The following INPP5B variants were observed in gnomAD, a reference collection of about 807,000 sequenced individuals.
INPP5B encodes type II inositol 1,4,5-trisphosphate 5-phosphatase.
In INPP5B, 90 loss-of-function variants were observed where a neutral mutation model predicts 118.5. That is an observed-to-expected ratio of 0.76 (90% CI 0.64 to 0.90). The LOEUF is 0.90. Among genes scored for constraint, INPP5B ranks in the 40% least tolerant of loss-of-function variants. The pLI is 0.00. For synonymous variants in INPP5B, 385 were observed against 418.9 expected, an observed-to-expected ratio of 0.92 and a Z score of 0.99; for missense variants, 984 against 1,125.6, an observed-to-expected ratio of 0.87 and a Z score of 1.80.
At chr1:37,905,035 T>C (rs900920996) in intron 7 of INPP5B, among the ~76,000 whole-genome samples, 1 of 152,236 alleles carries the variant, frequency 6.6e-6, no homozygotes. Flanking sequence ...GCTTATTTGG[T>C]ATATAAATCA....
In INPP5B at chr1:37,862,410, A is replaced by G. The variant is rs776262067; in HGVS notation, c.2647T>C (p.Leu883=). The G allele has an allele frequency of 3.7e-6, 6 of 1,612,662 alleles. No homozygotes were observed. The East Asian group carries it at 8.9e-5, about 24-fold the overall frequency. The change falls in exon 24 of 24, where the codon TTG becomes CTG. Residue 883 remains leucine (L), a synonymous_variant. Transcript: ENST00000373024. ...TGGTGACCAGCTGGGTTTCGAAGCA[A>G]TAAGCTGCCAAATATGCTAGCTGCA... ...NILASIFGSL[L]LRNPAGHQKL... is the part of the protein sequence containing the mutation.
chr1:37,865,674 G>T, intron 22 of INPP5B, 87 bp downstream of exon 22: 5 of 1,440,498 alleles, frequency 3.5e-6, no homozygotes, highest in Non-Finnish European at 4.8e-6. Context: ...TTTCTGAGAT[G>T]CTGCACTTGA....
rs772891704 is a variant in INPP5B, at chr1:37,868,534, C to A, written c.2268G>T (p.Met756Ile). ...CAGCATTTCGGTACAGGTAATCAAC[C>A]ATCATCCAGAGCTCTTTGGGGATTT... ...PMEIPKELWM[M>I]VDYLYRNAVQ... The change falls in exon 20 of 24, where the codon ATG (methionine) becomes ATT (isoleucine). Residue 756 changes from methionine (M) to isoleucine (I), a missense_variant. Physicochemically the swap from Met to Ile is conservative, Grantham distance 10 (BLOSUM62 1). Transcript: ENST00000373024. 3 of 1,613,938 alleles carry A rather than the reference C, an allele frequency of 1.9e-6. No individual in the cohort carries two copies. The highest frequency in any genetic ancestry group is 8.5e-7 in the Non-Finnish European group (1 of 1,179,852).
Position 37,931,972 on chromosome 1 carries a change from G to C in INPP5B, c.473C>G (p.Thr158Arg), listed in dbSNP as rs1645494237. The C allele has an allele frequency of 1.9e-6, 3 of 1,613,990 alleles. No individual in the cohort carries two copies. The highest frequency in any genetic ancestry group is 1.3e-5 in the African/African-American group (1 of 75,032). ...TAGGGCCGAGTTACAACCGCGCGGC[G>C]TTGGCATCTCCAGCTCCAGCTCTGC... ...RCAELELEMP[T>R]PRGCNSALVT... Residue 158 changes from threonine (T) to arginine (R), a missense_variant, in exon 7 of 24, where the codon ACG becomes AGG. Thr to Arg is a moderately conservative substitution (Grantham distance 71). Coordinates refer to ENST00000373024, the MANE Select transcript of INPP5B (RefSeq NM_005540.3).
intron 8 of INPP5B, 63 bp from the exon 9 acceptor site, chr1:37,889,787 CA>C: frequency 7.5e-7 from 1 of 1,331,690 alleles, no homozygotes; most frequent in South Asian, 1.4e-5. Context: ...TGAATGAATA[CA>C]AAGCTAAAAG....
At chr1:37,867,004 C>T (rs183177833) in intron 20 of INPP5B, among the ~76,000 whole-genome samples, 25 of 152,294 alleles carry the variant, frequency 1.6e-4, no homozygotes, top group Admixed American at 1.4e-3. Context: ...GAGGCAGAGG[C>T]GGGTGGATCA....
chr1:37,923,836 C>T (rs1389298304), intron 7 of INPP5B, among the ~76,000 whole-genome samples: 2 of 151,164 alleles, frequency 1.3e-5, no homozygotes, highest in African/African-American at 2.4e-5. Context: ...AGTGCAGTGG[C>T]GTGATCTCTG....
At chr1:37,926,652 A>C (rs1184958179) in intron 7 of INPP5B, among the ~76,000 whole-genome samples, 4 of 152,220 alleles carry the variant, frequency 2.6e-5, no homozygotes, top group African/African-American at 9.6e-5. Context: ...TGCTTTGTTA[A>C]AATAGCCCAG....
At chr1:37,937,788 TAAAATA>T (rs1022249198) in intron 6 of INPP5B, among the ~76,000 whole-genome samples, 7 of 150,212 alleles carry the variant, frequency 4.7e-5, no homozygotes, top group African/African-American at 1.2e-4. Flanking sequence ...TAAAATAAAA[TAAAATA>T]AAAATAAAAA....
At chr1:37,941,147 A>G (rs1487340225) in intron 5 of INPP5B, among the ~76,000 whole-genome samples, 1 of 152,142 alleles carries the variant, frequency 6.6e-6, no homozygotes, top group Non-Finnish European at 1.5e-5. Context: ...GGGAATGTCC[A>G]TGGGTCAGTC....
At chr1:37,880,031 C>T in intron 15 of INPP5B, 54 bp downstream of exon 15, 2 of 1,211,038 alleles carry the variant, frequency 1.7e-6, no homozygotes, top group East Asian at 2.4e-5. Flanking sequence ...CAAGTACTTC[C>T]CAGAATTTCT....
chr1:37,927,483 C>A lies in INPP5B; in HGVS notation c.532+4430G>T, dbSNP rs115436750. Among the ~76,000 whole-genome samples, 1,322 of 152,194 alleles carry A rather than the reference C, an allele frequency of 8.7e-3. 19 individuals are homozygous for A. The highest frequency in any genetic ancestry group is 0.03 in the African/African-American group (1,257 of 41,522). On this transcript the variant is annotated intron_variant, in intron 7 of 23. Coordinates refer to ENST00000373024, the MANE Select transcript of INPP5B (RefSeq NM_005540.3). ...GTTACCTCCTAGACACTGGTCTGAA[C>A]CTGAAGACGTGGATTCCAGTCTGAA...
chr1:37,945,265 T>C (rs1037143214), intron 3 of INPP5B, among the ~76,000 whole-genome samples: 27 of 152,140 alleles, frequency 1.8e-4, no homozygotes, highest in Admixed American at 1.6e-3. Context: ...ACCCTGTCTT[T>C]ACTAAAAATA....
chr1:37,933,591 G>T (rs1301905399), intron 6 of INPP5B, among the ~76,000 whole-genome samples: 1 of 151,410 alleles, frequency 6.6e-6, no homozygotes, highest in Non-Finnish European at 1.5e-5. Flanking sequence ...GTGGTGGCGG[G>T]CACCTGTAAT....
At chr1:37,943,021 A>G (rs1645989980) in intron 5 of INPP5B, among the ~76,000 whole-genome samples, 1 of 151,250 alleles carries the variant, frequency 6.6e-6, no homozygotes, top group South Asian at 2.1e-4. Context: ...GTTTTTTGAG[A>G]TGGAGTTTCA....
At position 37,866,553 on chromosome 1, in the gene INPP5B, G is replaced by A. The variant is rs1158042422; in HGVS notation, c.2302-10C>T. ...GCTGAAACAGATCTTCCTGCAAAAG[G>A]GAAGACAGTAACAAAATAATTATTT... On this transcript the variant is annotated splice_polypyrimidine_tract_variant and intron_variant, in intron 20 of 23. Coordinates refer to ENST00000373024, the MANE Select transcript of INPP5B (RefSeq NM_005540.3). The A allele has an allele frequency of 3.9e-6, 6 of 1,521,852 alleles. No homozygotes were observed. The highest frequency in any genetic ancestry group is 1.4e-5 in the African/African-American group (1 of 73,130). The allele number at this position is 1,521,852 out of a possible 1,614,324, so 94.3% of individuals were successfully genotyped here.
At chr1:37,936,012 G>A (rs1226504598) in intron 6 of INPP5B, among the ~76,000 whole-genome samples, 2 of 152,016 alleles carry the variant, frequency 1.3e-5, no homozygotes, top group East Asian at 3.9e-4. Flanking sequence ...CTTGCAGTAA[G>A]CCGAGATCAC....
chr1:37,875,742 G>C, intron 16 of INPP5B, 26 bp from the exon 17 acceptor site: 2 of 1,558,730 alleles, frequency 1.3e-6, no homozygotes, highest in East Asian at 2.2e-5. Context: ...CAGAGACTGA[G>C]TACCTTGGCT....
At chr1:37,943,037 G>C (rs956459462) in intron 5 of INPP5B, among the ~76,000 whole-genome samples, 3 of 151,792 alleles carry the variant, frequency 2.0e-5, no homozygotes, top group African/African-American at 7.3e-5. Context: ...TTTCACTCTT[G>C]TTGCCCAGGC....
Sources: allele counts gnomAD v4.1 joint callset (sites outside exome capture counted in the v4.1 genomes callset), GRCh38; gene constraint gnomAD v4.1.1; transcripts MANE v1.5; gene names NCBI Gene and HGNC (gene_info 2026-07-23, HGNC 2026-07-21).